Variants in RPS26 observed in about 807,000 individuals in gnomAD.
RPS26 encodes ribosomal protein S26, also known as small ribosomal subunit protein eS26.
In RPS26, 1 loss-of-function variant was observed where a neutral mutation model predicts 14.7. The ratio of observed to expected loss-of-function variants is 0.07; its 90% confidence interval spans 0.02 to 0.32. The LOEUF (loss-of-function observed/expected upper bound fraction) is 0.32. Among genes scored for constraint, RPS26 ranks in the 10% least tolerant of loss-of-function variants. The pLI is 1.00. For missense variants in RPS26, 63 were observed against 157.7 expected, an observed-to-expected ratio of 0.40 and a Z score of 3.22; for synonymous variants, 59 against 53.1, an observed-to-expected ratio of 1.11 and a Z score of -0.48.
chr12:56,043,611 T>C (rs1895922135), intron 3 of RPS26, 118 bp downstream of exon 3: 1 of 1,044,082 alleles, frequency 9.6e-7, no homozygotes, highest in Non-Finnish European at 1.5e-6. Context: ...GACAAGAAGA[T>C]TGCTAGAAAC....
chr12:56,044,220 T>A lies in RPS26; in HGVS notation c.*66T>A. ...GAGAAAAATAAAATGGAAATTGTAC[T>A]TAATATTGCATGTTAAGTGTATCTG... On this transcript the variant is annotated 3_prime_UTR_variant, in exon 4 of 4. Coordinates refer to ENST00000646449, the MANE Select transcript of RPS26 (RefSeq NM_001029.5). The A allele has an allele frequency of 8.0e-7, 1 of 1,252,834 alleles. No homozygotes were observed. Among genetic ancestry groups the A allele is most frequent in the South Asian group, 1.2e-5 (1 of 83,606 alleles). The allele number at this position is 1,252,834 out of a possible 1,614,324, so 77.6% of individuals were successfully genotyped here.
chr12:56,042,132 G>C lies in RPS26; in HGVS notation c.-35G>C, dbSNP rs188808121. On this transcript the variant is annotated 5_prime_UTR_variant, in exon 1 of 4. Coordinates refer to ENST00000646449, the MANE Select transcript of RPS26 (RefSeq NM_001029.5). ...CATGCTATATAGGAGGGCCCTGCCA[G>C]GCACCGTCTCCTCTCTCCGGTCCGT... The C allele has an allele frequency of 2.5e-6, 4 of 1,613,590 alleles. No individual in the cohort carries two copies. Among genetic ancestry groups the C allele is most frequent in the East Asian group, 4.5e-5 (2 of 44,870 alleles).
intron 2 of RPS26, chr12:56,043,148 C>T (rs1017830655): frequency 9.4e-6 from 5 of 531,936 alleles, no homozygotes; most frequent in South Asian, 3.9e-5. Context: ...GATGAACTCA[C>T]GTGGGATGTT....
intron 1 of RPS26, 31 bp downstream of exon 1, chr12:56,042,200 T>C (rs1895895885): frequency 1.2e-6 from 2 of 1,612,992 alleles, no homozygotes; most frequent in Non-Finnish European, 1.7e-6. Flanking sequence ...AGGGTGGGGG[T>C]TCGGGTGCAG....
chr12:56,043,270 A>G, intron 2 of RPS26, 93 bp from the exon 3 acceptor site: 3 of 1,262,156 alleles, frequency 2.4e-6, no homozygotes, highest in Non-Finnish European at 3.5e-6. Context: ...TTTAGTTTTA[A>G]TTGACGTAAA....
Position 56,041,961 on chromosome 12 carries a change from G to T in RPS26, c.-206G>T. ...GGCTAAATAGTCCCATGTGCACTTT[G>T]TTCCATGGATAAATAAACACTAGGA... On this transcript the variant is annotated 5_prime_UTR_variant, in exon 1 of 4. Transcript: ENST00000646449. 1.5e-6 allele frequency: 1 copy of T among 663,852 alleles called. No homozygotes were observed. Among genetic ancestry groups the T allele is most frequent in the Non-Finnish European group, 2.7e-6 (1 of 365,702 alleles). 41.1% of individuals were successfully genotyped at this position (663,852 alleles called of 1,614,324 possible). A position where few individuals can be genotyped will look rare whatever the true frequency, so the allele number is the denominator to read the frequency against.
intron 3 of RPS26, among the ~76,000 whole-genome samples, 199 bp downstream of exon 3, chr12:56,043,692 G>A (rs529833402): frequency 7.2e-5 from 11 of 152,218 alleles, no homozygotes; most frequent in African/African-American, 2.6e-4. Flanking sequence ...TGAACCTATA[G>A]TCTGGCTGCT....
intron 2 of RPS26, 104 bp from the exon 3 acceptor site, chr12:56,043,252 TAAATAGG>T (rs1895914567): frequency 9.1e-7 from 1 of 1,094,372 alleles, no homozygotes; most frequent in African/African-American, 1.5e-5. Flanking sequence ...GACAGGCATT[TAAATAGG>T]TTTAGTTTTA....
chr12:56,042,452 G>T lies in RPS26; in HGVS notation c.31G>T (p.Ala11Ser), dbSNP rs1192679912. The change falls in exon 2 of 4, where the codon GCC becomes TCC. Residue 11 changes from alanine to serine, a missense_variant. By Grantham distance (99) the Ala-to-Ser change is moderately conservative (BLOSUM62 1). Coordinates refer to ENST00000646449, the MANE Select transcript of RPS26 (RefSeq NM_001029.5). MTKKRRNNGR[A>S]KKGRGHVQPI... ...AAAGAAAAGAAGGAACAATGGTCGT[G>T]CCAAAAAGGGCCGCGGCCACGTGCA... The T allele has an allele frequency of 6.2e-7, 1 of 1,613,688 alleles. No homozygotes were observed. The highest frequency in any genetic ancestry group is 1.1e-5 in the South Asian group (1 of 91,088).
In RPS26 at chr12:56,042,620, G is replaced by T. The variant is rs771576428; in HGVS notation, c.181+18G>T. ...CTTCGATGGTAAGTGGGTCACCGGC[G>T]CGAACTGTGTGAGGATCCCAGTATC... On this transcript the variant is annotated intron_variant, in intron 2 of 3. Transcript: ENST00000646449. 2.5e-6 allele frequency: 4 copies of T among 1,595,244 alleles called. No homozygotes were observed. Among genetic ancestry groups the T allele is most frequent in the Non-Finnish European group, 3.4e-6 (4 of 1,176,970 alleles).
At chr12:56,043,767 T>C (rs552063775) in intron 3 of RPS26, among the ~76,000 whole-genome samples, 1 of 151,792 alleles carries the variant, frequency 6.6e-6, no homozygotes, top group African/African-American at 2.4e-5. Context: ...GCTATGATTA[T>C]ACCACTTGCG....
chr12:56,042,363 G>A, intron 1 of RPS26, 62 bp from the exon 2 acceptor site: 1 of 1,579,628 alleles, frequency 6.3e-7, no homozygotes, highest in South Asian at 1.1e-5. Flanking sequence ...CTTGTGGCCG[G>A]AAAGGGACTG....
chr12:56,044,034 G>A (rs1895930179), intron 3 of RPS26, 85 bp from the exon 4 acceptor site: 1 of 1,135,728 alleles, frequency 8.8e-7, no homozygotes, highest in Admixed American at 1.7e-5. Context: ...ATCAGTTTGT[G>A]AGAGGATGGT....
chr12:56,042,003 G>C lies in RPS26; in HGVS notation c.-164G>C. On this transcript the variant is annotated 5_prime_UTR_variant, in exon 1 of 4. Coordinates refer to ENST00000646449, the MANE Select transcript of RPS26 (RefSeq NM_001029.5). The stretch of plus-strand genomic sequence containing the variant: ...ACACTAGGAACGCATTTCCACCCTA[G>C]ATTTCAGCAGAAATGCTGAATGTAA... The C allele has an allele frequency of 2.6e-6, 2 of 759,940 alleles. No homozygotes were observed. The highest frequency in any genetic ancestry group is 2.0e-5 in the Admixed American group (1 of 49,656). The allele number at this position is 759,940 out of a possible 1,614,324, so 47.1% of individuals were successfully genotyped here.
In RPS26 at chr12:56,042,137, C is replaced by T. The variant is rs533292716; in HGVS notation, c.-30C>T. The T allele has an allele frequency of 7.2e-5, 116 of 1,613,592 alleles. 1 individual carries two copies. The South Asian group carries it at 1.2e-3, about 16-fold the overall frequency. On this transcript the variant is annotated 5_prime_UTR_variant, in exon 1 of 4. Transcript: ENST00000646449. ...TATATAGGAGGGCCCTGCCAGGCAC[C>T]GTCTCCTCTCTCCGGTCCGTGCCTC...
chr12:56,043,620 A>C, intron 3 of RPS26, 127 bp downstream of exon 3: 1 of 943,122 alleles, frequency 1.1e-6, no homozygotes, highest in South Asian at 1.4e-5. Context: ...ATTGCTAGAA[A>C]CCAGCAGTTC....
intron 3 of RPS26, 61 bp from the exon 4 acceptor site, chr12:56,044,058 G>C (rs1895930413): frequency 5.6e-6 from 8 of 1,418,388 alleles, no homozygotes; most frequent in Middle Eastern, 3.5e-4. Flanking sequence ...CAAGTTCTTT[G>C]GGGGAAGGGA....
intron 2 of RPS26, 157 bp downstream of exon 2, chr12:56,042,759 T>C: frequency 2.8e-6 from 2 of 713,046 alleles, no homozygotes; most frequent in Non-Finnish European, 5.0e-6. Context: ...TTGTTTGCCG[T>C]TTTGATTCTT....
intron 2 of RPS26, 71 bp from the exon 3 acceptor site, chr12:56,043,292 C>A: frequency 7.2e-7 from 1 of 1,391,786 alleles, no homozygotes; most frequent in Non-Finnish European, 1.0e-6. Flanking sequence ...ATGTAAGGTG[C>A]TCTTCATTCA....
Sources: allele counts gnomAD v4.1 joint callset (sites outside exome capture counted in the v4.1 genomes callset), GRCh38; gene constraint gnomAD v4.1.1; transcripts MANE v1.5; gene names NCBI Gene and HGNC (gene_info 2026-07-23, HGNC 2026-07-21).